The following R3HDM1 variants were observed in gnomAD, a reference collection of about 807,000 sequenced individuals.
R3HDM1 encodes the protein R3H domain-containing protein 1.
In R3HDM1, 46 loss-of-function variants were observed where a neutral mutation model predicts 141.1. The ratio of observed to expected loss-of-function variants is 0.33; its 90% CI spans 0.26 to 0.42. The LOEUF (loss-of-function observed/expected upper bound fraction) is 0.42. R3HDM1 is among the 10% of genes least tolerant of loss of function. The pLI is 1.00. For missense variants in R3HDM1, 1,184 were observed against 1,368.3 expected, an observed-to-expected ratio of 0.87 and a Z score of 2.12; for synonymous variants, 435 against 472.9, an observed-to-expected ratio of 0.92 and a Z score of 1.04.
At chr2:135,616,010 T>C in intron 3 of R3HDM1, 142 bp from the exon 4 acceptor site, 1 of 608,192 alleles carries the variant, frequency 1.6e-6, no homozygotes, top group East Asian at 3.1e-5. Flanking sequence ...GAATCAGTAC[T>C]CCTTTACTGA....
chr2:135,615,663 A>G (rs2105155852), intron 3 of R3HDM1, among the ~76,000 whole-genome samples: 1 of 152,314 alleles, frequency 6.6e-6, no homozygotes, highest in South Asian at 2.1e-4. Context: ...TACTTTATAC[A>G]GTGTTGAAAC....
intron 1 of R3HDM1, among the ~76,000 whole-genome samples, chr2:135,593,608 A>G (rs151268905): frequency 6.6e-6 from 1 of 152,268 alleles, no homozygotes; most frequent in East Asian, 1.9e-4. Flanking sequence ...CCATTTTGCT[A>G]GTGTTTGCCA....
chr2:135,553,768 T>C (rs1700234132), intron 1 of R3HDM1, among the ~76,000 whole-genome samples: 1 of 152,240 alleles, frequency 6.6e-6, no homozygotes, highest in Non-Finnish European at 1.5e-5. Flanking sequence ...CTCAGCTCAC[T>C]GCAACCTCTG....
chr2:135,690,821 G>A (rs940400629), intron 21 of R3HDM1, among the ~76,000 whole-genome samples: 1 of 152,080 alleles, frequency 6.6e-6, no homozygotes, highest in East Asian at 1.9e-4. Context: ...AATGTTAAAG[G>A]AGAAGGGAAG....
intron 19 of R3HDM1, among the ~76,000 whole-genome samples, chr2:135,670,894 A>G (rs1338906196): frequency 1.3e-5 from 2 of 151,802 alleles, no homozygotes; most frequent in Non-Finnish European, 2.9e-5. Flanking sequence ...CCCTGAATCT[A>G]CTAAAAATAC....
At chr2:135,712,639 C>T (rs960242238) in intron 23 of R3HDM1, among the ~76,000 whole-genome samples, 2 of 151,614 alleles carry the variant, frequency 1.3e-5, no homozygotes, top group Non-Finnish European at 2.9e-5. Context: ...CCAGCACTTC[C>T]GGCCGGGCAC....
Position 135,711,184 on chromosome 2 carries a change from T to G in R3HDM1, c.2736+953T>G, listed in dbSNP as rs147492163. On this transcript the variant is annotated intron_variant, in intron 23 of 26. Transcript: ENST00000683871. ...CCTAGCTACTAGTTTATGGGAAATA[T>G]AAGAAGAAACAAAAACAAATTACCT... is the stretch of plus-strand genomic sequence containing the variant. Among the ~76,000 whole-genome samples the G allele has an allele frequency of 2.6e-5, 4 of 152,302 alleles. No homozygotes were observed. The East Asian group carries it at 7.7e-4, about 29-fold the overall frequency.
At chr2:135,550,092 G>A in intron 1 of R3HDM1, 1 of 984,744 alleles carries the variant, frequency 1.0e-6, no homozygotes, top group Non-Finnish European at 1.2e-6. Context: ...TCCAGCTGAA[G>A]TTTTGTTAAG....
intron 21 of R3HDM1, among the ~76,000 whole-genome samples, chr2:135,704,886 A>C (rs1281404202): frequency 6.6e-6 from 1 of 152,212 alleles, no homozygotes; most frequent in Non-Finnish European, 1.5e-5. Context: ...ACATTTTATG[A>C]ATATACAATA....
At chr2:135,577,767 G>A (rs1452272446) in intron 1 of R3HDM1, among the ~76,000 whole-genome samples, 1 of 150,568 alleles carries the variant, frequency 6.6e-6, no homozygotes, top group Non-Finnish European at 1.5e-5. Flanking sequence ...GAACTCGGGA[G>A]GCAGAGGTTA....
intron 17 of R3HDM1, 76 bp downstream of exon 17, chr2:135,650,079 G>T: frequency 9.3e-7 from 1 of 1,077,450 alleles, no homozygotes; most frequent in African/African-American, 1.7e-5. Flanking sequence ...TGTCATTAAT[G>T]TAATATGATC....
intron 1 of R3HDM1, among the ~76,000 whole-genome samples, chr2:135,572,706 C>G (rs1369344879): frequency 6.6e-6 from 1 of 151,850 alleles, no homozygotes; most frequent in African/African-American, 2.4e-5. Flanking sequence ...TTGCATAATA[C>G]ATGAATGTTC....
intron 9 of R3HDM1, among the ~76,000 whole-genome samples, chr2:135,634,530 C>T (rs2063066516): frequency 6.6e-6 from 1 of 152,032 alleles, no homozygotes; most frequent in Admixed American, 6.6e-5. Flanking sequence ...TGTAATTCCA[C>T]CTACTCAGAA....
chr2:135,571,066 G>A (rs1039761808), intron 1 of R3HDM1, among the ~76,000 whole-genome samples: 2 of 152,014 alleles, frequency 1.3e-5, no homozygotes, highest in Admixed American at 6.6e-5. Context: ...TGCCTATACT[G>A]CCAGAAATTC....
At chr2:135,685,318 C>T (rs181266502) in intron 21 of R3HDM1, among the ~76,000 whole-genome samples, 32 of 152,192 alleles carry the variant, frequency 2.1e-4, no homozygotes, top group Admixed American at 4.6e-4. Context: ...CCTTCTTGTG[C>T]TTATTCATAT....
chr2:135,709,804 C>G (rs1198501445), intron 22 of R3HDM1, among the ~76,000 whole-genome samples: 4 of 152,152 alleles, frequency 2.6e-5, no homozygotes, highest in African/African-American at 9.7e-5. Context: ...TCTGTCATTA[C>G]TCTTCCAGCT....
At chr2:135,567,621 A>G (rs1218597199) in intron 1 of R3HDM1, among the ~76,000 whole-genome samples, 1 of 152,212 alleles carries the variant, frequency 6.6e-6, no homozygotes, top group African/African-American at 2.4e-5. Context: ...ATCTTTAATT[A>G]AATATTTAAA....
chr2:135,589,064 C>T (rs1027050232), intron 1 of R3HDM1, among the ~76,000 whole-genome samples: 6 of 152,172 alleles, frequency 3.9e-5, no homozygotes, highest in Non-Finnish European at 1.5e-5. Context: ...TTAGCATTTA[C>T]GTGTTTAGAT....
chr2:135,638,563 G>A (rs552830588), intron 11 of R3HDM1, 55 bp from the exon 12 acceptor site: 4 of 1,499,552 alleles, frequency 2.7e-6, no homozygotes, highest in African/African-American at 1.4e-5. Context: ...TTTACAGATG[G>A]CATTACGTTA....
Sources: gnomAD v4.1 joint callset for allele counts (sites outside exome capture counted in the v4.1 genomes callset) on GRCh38, gnomAD v4.1.1 for gene constraint, MANE v1.5 for transcripts, NCBI Gene and HGNC (gene_info 2026-07-23, HGNC 2026-07-21) for gene names.